Variants in SLC47A2 observed in about 807,000 individuals in gnomAD.
The protein encoded by SLC47A2 is multidrug and toxin extrusion protein 2.
SLC47A2 carries 52 observed loss-of-function variants against 67.7 expected under a neutral mutation model. That is an observed-to-expected ratio of 0.77 (90% CI 0.61 to 0.97). The LOEUF is 0.97. Ranked by LOEUF, SLC47A2 falls within the 50% of genes least tolerant of loss-of-function variation. The pLI, the probability that SLC47A2 is intolerant of heterozygous loss-of-function variation, is 0.00. For synonymous variants in SLC47A2, 278 were observed against 292.9 expected (o/e 0.95, Z 0.52); for missense variants, 676 against 712.3 (o/e 0.95, Z 0.58).
At chr17:19,707,924 G>A (rs377384925) in intron 7 of SLC47A2, 81 bp from the exon 8 acceptor site, 99 of 1,348,684 alleles carry the variant, frequency 7.3e-5, no homozygotes, top group East Asian at 3.0e-4. Flanking sequence ...TGGCTCTGGC[G>A]GCCAGCCCGT....
chr17:19,687,656 A>G (rs2085456812), intron 13 of SLC47A2, among the ~76,000 whole-genome samples: 1 of 152,198 alleles, frequency 6.6e-6, no homozygotes, highest in South Asian at 2.1e-4. Context: ...CAGAAGTGAA[A>G]AAGGAGACAT....
chr17:19,691,719 A>G (rs1262413478), intron 13 of SLC47A2, among the ~76,000 whole-genome samples: 1 of 152,250 alleles, frequency 6.6e-6, no homozygotes, highest in Non-Finnish European at 1.5e-5. Context: ...ACAATAATTT[A>G]TTATACATTT....
upstream of SLC47A2, chr17:19,718,364 C>T (rs1198282785): frequency 3.9e-5 from 6 of 152,298 alleles, no homozygotes; most frequent in African/African-American, 1.4e-4. Flanking sequence ...GAATCCATCT[C>T]ACTCCAGGTC....
chr17:19,714,503 A>G (rs1013340397), intron 3 of SLC47A2: 4 of 614,988 alleles, frequency 6.5e-6, no homozygotes, highest in Non-Finnish European at 8.6e-6. Context: ...TGTCTCCACC[A>G]TCTCCACCCC....
rs2085908338 is a variant in SLC47A2 at position 19,705,507 on chromosome 17, G to A, written c.842-4C>T. ...AGATCCACCACACTGAGCAGCCCTAGAGAAGAGGCCCGCCGTGAGTCCGGC... is the reference window on the plus strand; with the variant it reads ...AGATCCACCACACTGAGCAGCCCTAAAGAAGAGGCCCGCCGTGAGTCCGGC... On this transcript the variant is annotated splice_region_variant and splice_polypyrimidine_tract_variant and intron_variant, in intron 9 of 16. Coordinates refer to ENST00000433844, the MANE Select transcript of SLC47A2 (RefSeq NM_001099646.3). The A allele has an allele frequency of 1.3e-6, 2 of 1,597,838 alleles. No homozygotes were observed. Among genetic ancestry groups the A allele is most frequent in the Non-Finnish European group, 1.7e-6 (2 of 1,172,880 alleles).
chr17:19,712,633 T>C (rs1269427626), intron 5 of SLC47A2, 70 bp downstream of exon 5: 2 of 1,515,516 alleles, frequency 1.3e-6, no homozygotes, highest in African/African-American at 1.4e-5. Context: ...CCGCAGCAGA[T>C]AGAGTGGGAA....
chr17:19,713,410 AATAATC>A lies in SLC47A2; in HGVS notation c.443+409_443+414del, dbSNP rs112185892. On this transcript the variant is annotated intron_variant, in intron 4 of 16. Coordinates refer to ENST00000433844, the MANE Select transcript of SLC47A2 (RefSeq NM_001099646.3). ...CTCAAGTAATAATAATAATAATAAT[AATAATC>A]ATCATCATCATCATCATCTATAATT... Among the ~76,000 whole-genome samples the A allele has an allele frequency of 6.7e-3, 990 of 147,610 alleles. 11 individuals carry two copies. The highest frequency in any genetic ancestry group is 0.024 in the African/African-American group (924 of 39,028).
In SLC47A2 at chr17:19,715,447, GGCGCAGCGCA is replaced by G. The variant is rs2086228515; in HGVS notation, c.124-240_124-231del. Among the ~76,000 whole-genome samples the G allele has an allele frequency of 5.7e-5, 4 of 69,708 alleles. No individual in the cohort carries two copies. In the South Asian group the frequency reaches 1.9e-3, roughly 33 times the overall value. 45.7% of individuals were successfully genotyped at this position (69,708 alleles called of 152,430 possible). On this transcript the variant is annotated intron_variant, in intron 1 of 16. Coordinates refer to ENST00000433844, the MANE Select transcript of SLC47A2 (RefSeq NM_001099646.3). The stretch of plus-strand genomic sequence containing the variant: ...TCCCTACCCAGAAGGGTCAGTGCCT[GGCGCAGCGCA>G]GTGCCTGGCGCCCTGAGCTTGACCC...
chr17:19,718,254 C>A (rs1013924025), upstream of SLC47A2: 1 of 152,296 alleles, frequency 6.6e-6, no homozygotes, highest in Non-Finnish European at 1.5e-5. Context: ...CACCTCCTGT[C>A]GCAGCATTGC....
Position 19,703,162 on chromosome 17 carries a change from T to C in SLC47A2, c.1024A>G (p.Ile342Val). 2 of 1,614,032 alleles carry C rather than the reference T, an allele frequency of 1.2e-6. No homozygotes were observed. The highest frequency in any genetic ancestry group is 1.7e-6 in the Non-Finnish European group (2 of 1,180,010). Residue 342 changes from isoleucine (I) to valine (V), a missense_variant, in exon 12 of 17, where the codon ATT becomes GTT. Ile to Val is a conservative substitution (Grantham distance 29, BLOSUM62 3). Transcript: ENST00000433844. ...AVSGVLSIVG[I>V]SLVLGTLISI... is the part of the protein sequence containing the mutation. The stretch of plus-strand genomic sequence containing the variant: ...ATCAGGGTGCCCAGGACCAGGGAAA[T>C]GCCAACTGGAAGAGACAAAAGGTGC...
At chr17:19,697,942 A>AATTTT (rs1176025139) in intron 13 of SLC47A2, among the ~76,000 whole-genome samples, 1 of 152,104 alleles carries the variant, frequency 6.6e-6, no homozygotes. Context: ...AATTTCACTG[A>AATTTT]AGGCTACATA....
At chr17:19,702,490 A>T in intron 13 of SLC47A2, 115 bp downstream of exon 13, 1 of 1,528,266 alleles carries the variant, frequency 6.5e-7, no homozygotes, top group Non-Finnish European at 8.8e-7. Context: ...CTATACAGTT[A>T]GCCCTTCATG....
chr17:19,678,590 T>C lies in SLC47A2; in HGVS notation c.*96A>G. The stretch of plus-strand genomic sequence containing the variant: ...TGAGGAGTGGTTCAAAGTGTCCACC[T>C]GCACTAGACCCCATTGGTGTTTTTG... On this transcript the variant is annotated 3_prime_UTR_variant, in exon 17 of 17. Coordinates refer to ENST00000433844, the MANE Select transcript of SLC47A2 (RefSeq NM_001099646.3). 1.5e-6 allele frequency: 2 copies of C among 1,298,806 alleles called. No homozygotes were observed. The highest frequency in any genetic ancestry group is 2.2e-6 in the Non-Finnish European group (2 of 911,270). The allele number at this position is 1,298,806 out of a possible 1,614,324, so 80.5% of individuals were successfully genotyped here. A position where few individuals can be genotyped will look rare whatever the true frequency, so the allele number is the denominator to read the frequency against.
chr17:19,707,665 C>T (rs2085977638), intron 8 of SLC47A2, 81 bp downstream of exon 8: 3 of 1,260,992 alleles, frequency 2.4e-6, no homozygotes, highest in Admixed American at 4.1e-5. Context: ...GCACCCTCTG[C>T]CTGCTGACCA....
At chr17:19,696,369 G>C (rs2085663730) in intron 13 of SLC47A2, among the ~76,000 whole-genome samples, 1 of 151,230 alleles carries the variant, frequency 6.6e-6, no homozygotes, top group Non-Finnish European at 1.5e-5. Flanking sequence ...GGCTGAGGCA[G>C]GAGAATTGCT....
intron 2 of SLC47A2, 147 bp downstream of exon 2, chr17:19,714,969 C>T: frequency 8.1e-7 from 1 of 1,238,094 alleles, no homozygotes; most frequent in Non-Finnish European, 1.2e-6. Flanking sequence ...CTCCGGCCCT[C>T]AGGTTCCACC....
chr17:19,698,624 G>A (rs1298625879), intron 13 of SLC47A2, among the ~76,000 whole-genome samples: 1 of 152,000 alleles, frequency 6.6e-6, no homozygotes, highest in African/African-American at 2.4e-5. Context: ...CAAAGTCCAG[G>A]GATTACAAGC....
At chr17:19,692,952 G>A (rs1219821756) in intron 13 of SLC47A2, among the ~76,000 whole-genome samples, 1 of 152,034 alleles carries the variant, frequency 6.6e-6, no homozygotes, top group Non-Finnish European at 1.5e-5. Context: ...CCAACATGGT[G>A]AAATCCCATC....
chr17:19,711,611 A>G lies in SLC47A2; in HGVS notation c.486+1092T>C, dbSNP rs200612066. On this transcript the variant is annotated intron_variant, in intron 5 of 16. Transcript: ENST00000433844. ...CTCAAAAAAAAAAAAAAAAAAAAAAAAAAAAGAAAAGAAAAAAGAAATGCA... is the reference window on the plus strand; with the variant it reads ...CTCAAAAAAAAAAAAAAAAAAAAAAGAAAAAGAAAAGAAAAAAGAAATGCA... Among the ~76,000 whole-genome samples, 262 of 150,546 alleles carry G rather than the reference A, an allele frequency of 1.7e-3. 5 individuals carry two copies. In the East Asian group the frequency reaches 0.04, roughly 23 times the overall value.
Sources: allele counts gnomAD v4.1 joint callset (sites outside exome capture counted in the v4.1 genomes callset), GRCh38; gene constraint gnomAD v4.1.1; transcripts MANE v1.5; gene names NCBI Gene and HGNC (gene_info 2026-07-23, HGNC 2026-07-21).